Variants in C12orf42 observed in about 807,000 individuals in gnomAD.
C12orf42 encodes the protein chromosome 12 open reading frame 42.
C12orf42 carries 25 observed loss-of-function variants against 21.6 expected under a neutral mutation model. The ratio of observed to expected loss-of-function variants is 1.16; its 90% CI spans 0.84 to 1.62. The LOEUF (loss-of-function observed/expected upper bound fraction) is 1.62. C12orf42 is among the 40% of genes most tolerant of loss of function. The pLI, the probability that C12orf42 is intolerant of heterozygous loss-of-function variation, is 0.00. For missense variants in C12orf42, 483 were observed against 459.3 expected (o/e 1.05, Z -0.47); for synonymous variants, 174 against 175.0 (o/e 0.99, Z 0.05).
the C12orf42 span, among the ~76,000 whole-genome samples, chr12:103,065,282 G>A: frequency 3.9e-4 from 60 of 152,314 alleles, no homozygotes; most frequent in African/African-American, 1.3e-3. Context: ...GGTGACTCCA[G>A]TTGCATCTGC....
In C12orf42 at chr12:103,304,592, T is replaced by C. The variant is rs115482988; in HGVS notation, c.631+1382A>G. 7.2e-3 allele frequency among the ~76,000 whole-genome samples: 1,102 copies of C among 152,280 alleles called. 8 individuals are homozygous for C. Among genetic ancestry groups the C allele is most frequent in the African/African-American group, 0.025 (1,021 of 41,562 alleles). Reference sequence around the variant, plus strand: ...ACCATAGTCATATTTAGAACCTGGATCTAGAAATACTCTGACCTGGATTCT... The same window carrying C: ...ACCATAGTCATATTTAGAACCTGGACCTAGAAATACTCTGACCTGGATTCT... On this transcript the variant is annotated intron_variant, in intron 5 of 5. Coordinates refer to ENST00000548883, the MANE Select transcript of C12orf42 (RefSeq NM_198521.5).
At chr12:103,278,947 G>C (rs539659815) in intron 4 of C12orf42, among the ~76,000 whole-genome samples, 1 of 152,270 alleles carries the variant, frequency 6.6e-6, no homozygotes, top group South Asian at 2.1e-4. Context: ...GACTGCTTTA[G>C]ATACCTTATG....
chr12:103,151,256 T>C, the C12orf42 span, among the ~76,000 whole-genome samples: 61 of 152,258 alleles, frequency 4.0e-4, no homozygotes, highest in Non-Finnish European at 4.9e-4. Context: ...TGATTAACAC[T>C]GGAAGACACC....
At chr12:103,142,577 G>A in the C12orf42 span, among the ~76,000 whole-genome samples, 1 of 152,174 alleles carries the variant, frequency 6.6e-6, no homozygotes, top group Non-Finnish European at 1.5e-5. Flanking sequence ...CAGAGAGAGA[G>A]AGAGAAAAGA....
At chr12:103,053,490 T>C in the C12orf42 span, among the ~76,000 whole-genome samples, 1 of 151,982 alleles carries the variant, frequency 6.6e-6, no homozygotes, top group African/African-American at 2.4e-5. Context: ...TCACATATTC[T>C]AGATACTAGT....
chr12:103,344,521 A>G (rs1244600281), intron 4 of C12orf42, among the ~76,000 whole-genome samples: 1 of 152,168 alleles, frequency 6.6e-6, no homozygotes, highest in African/African-American at 2.4e-5. Flanking sequence ...TTTGCTGCCT[A>G]TATACCCATC....
chr12:103,484,951 G>A (rs1250240054), intron 1 of C12orf42, among the ~76,000 whole-genome samples: 1 of 138,494 alleles, frequency 7.2e-6, no homozygotes, highest in African/African-American at 2.7e-5. Context: ...CTCACTGCAA[G>A]CTCCACCTCC....
chr12:103,216,456 C>T, the C12orf42 span, among the ~76,000 whole-genome samples: 4,421 of 151,462 alleles, frequency 0.029, 95 homozygotes, highest in Non-Finnish European at 0.046. Flanking sequence ...CTGCAGGCTC[C>T]ACCTCCCGGG....
At chr12:103,434,922 C>G (rs1328505831) in intron 2 of C12orf42, among the ~76,000 whole-genome samples, 1 of 152,246 alleles carries the variant, frequency 6.6e-6, no homozygotes, top group Non-Finnish European at 1.5e-5. Flanking sequence ...GCCTGCCTGC[C>G]TCTGCAGGCT....
At chr12:103,539,692 G>A in the C12orf42 span, among the ~76,000 whole-genome samples, 6 of 151,814 alleles carry the variant, frequency 4.0e-5, no homozygotes, top group Admixed American at 3.3e-4. Flanking sequence ...CGATTCTCCT[G>A]CCTCAGCCTC....
chr12:103,370,816 A>G (rs892879870), intron 3 of C12orf42, among the ~76,000 whole-genome samples: 18 of 152,246 alleles, frequency 1.2e-4, no homozygotes, highest in African/African-American at 4.3e-4. Context: ...TTGTCTGTAC[A>G]CCAAACCCCT....
intron 4 of C12orf42, among the ~76,000 whole-genome samples, chr12:103,294,307 A>G (rs186143706): frequency 1.2e-3 from 188 of 151,522 alleles, no homozygotes; most frequent in African/African-American, 4.4e-3. Flanking sequence ...GGGAAAACAC[A>G]GAGCATGGGA....
chr12:103,436,286 G>A lies in C12orf42; in HGVS notation c.79-34611C>T, dbSNP rs974949143. ...TGGAAAGGAACAACCGGTACCAGGC[G>A]CTGCAAAATCATGCCAAAATGTAAA... On this transcript the variant is annotated intron_variant, in intron 2 of 5. Transcript: ENST00000548883. Among the ~76,000 whole-genome samples, 25 of 151,734 alleles carry A rather than the reference G, an allele frequency of 1.6e-4. No individual in the cohort carries two copies. The East Asian group carries it at 1.9e-3, about 12-fold the overall frequency.
chr12:103,331,339 A>G (rs2041222664), intron 4 of C12orf42, among the ~76,000 whole-genome samples: 2 of 152,334 alleles, frequency 1.3e-5, no homozygotes, highest in South Asian at 4.1e-4. Context: ...AAAATTGTAA[A>G]TCCAGCCATC....
chr12:103,503,311 G>A, the C12orf42 span: 1 of 152,258 alleles, frequency 6.6e-6, no homozygotes, highest in East Asian at 1.9e-4. Flanking sequence ...ATGGCTGGGA[G>A]CGGCTCCATT....
chr12:103,095,735 A>T, the C12orf42 span, among the ~76,000 whole-genome samples: 6 of 152,210 alleles, frequency 3.9e-5, no homozygotes, highest in Admixed American at 3.9e-4. Flanking sequence ...AAGAGCTTAG[A>T]TCAATTCCTG....
Position 103,368,830 on chromosome 12 carries a change from A to G in C12orf42, c.259+57T>C, listed in dbSNP as rs201920237. The G allele has an allele frequency of 1.7e-3, 1,493 of 879,814 alleles. 5 individuals carry two copies. Among genetic ancestry groups the G allele is most frequent in the South Asian group, 1.8e-3 (110 of 61,174 alleles). The allele number at this position is 879,814 out of a possible 1,614,324, so 54.5% of individuals were successfully genotyped here. On this transcript the variant is annotated intron_variant, in intron 4 of 5. Coordinates refer to ENST00000548883, the MANE Select transcript of C12orf42 (RefSeq NM_198521.5). Reference sequence around the variant, plus strand: ...CAATCTTTATGATTATTACCTGTACATAGTCCAGAGTTTCTTTGGAAACTC... The same window carrying G: ...CAATCTTTATGATTATTACCTGTACGTAGTCCAGAGTTTCTTTGGAAACTC...
At chr12:103,192,599 G>A in the C12orf42 span, among the ~76,000 whole-genome samples, 2 of 151,768 alleles carry the variant, frequency 1.3e-5, no homozygotes, top group African/African-American at 4.8e-5. Context: ...AGGTGCTATA[G>A]TAACATGAGA....
the C12orf42 span, among the ~76,000 whole-genome samples, chr12:103,080,617 CA>C: frequency 6.6e-6 from 1 of 152,214 alleles, no homozygotes; most frequent in African/African-American, 2.4e-5. Context: ...TATGTGAACA[CA>C]AACTTTAAAA....
Sources: allele counts gnomAD v4.1 joint callset (sites outside exome capture counted in the v4.1 genomes callset), GRCh38; gene constraint gnomAD v4.1.1; transcripts MANE v1.5; gene names NCBI Gene and HGNC (gene_info 2026-07-23, HGNC 2026-07-21).